Variants in PREX2 observed in about 807,000 individuals in gnomAD.
PREX2 encodes the protein phosphatidylinositol 3,4,5-trisphosphate-dependent Rac exchanger 2 protein.
In PREX2, 107 loss-of-function variants were observed where a neutral mutation model predicts 203.2. That is an observed-to-expected ratio of 0.53 (90% CI 0.45 to 0.62). PREX2 has a LOEUF of 0.62. PREX2 is among the 20% of genes least tolerant of loss of function. The pLI, the probability that PREX2 is intolerant of heterozygous loss-of-function variation, is 0.00. For synonymous variants in PREX2, 672 were observed against 663.6 expected (o/e 1.01, Z -0.19); for missense variants, 1,777 against 1,955.9 (o/e 0.91, Z 1.72).
intron 32 of PREX2, among the ~76,000 whole-genome samples, chr8:68,138,061 A>G (rs1811148113): frequency 6.6e-6 from 1 of 152,210 alleles, no homozygotes; most frequent in Non-Finnish European, 1.5e-5. Flanking sequence ...ATGTTATAAG[A>G]TTTTAGAAGT....
rs544566167 is a variant in PREX2 at position 68,107,972 on chromosome 8, A to G, written c.2716-137A>G. 8.2e-6 allele frequency: 5 copies of G among 613,294 alleles called. 1 individual carries two copies. The highest frequency in any genetic ancestry group is 6.3e-5 in the Admixed American group (2 of 31,810). 38.0% of individuals were successfully genotyped at this position (613,294 alleles called of 1,614,324 possible). A position where few individuals can be genotyped will look rare whatever the true frequency, so the allele number is the denominator to read the frequency against. On this transcript the variant is annotated intron_variant, in intron 23 of 39. Transcript: ENST00000288368. ...AAATCACAATGGAATTTCTAACAAC[A>G]TATAATTTATTTCACTCATTCCAGT...
Position 68,232,585 on chromosome 8 carries a change from T to C in PREX2, c.*1207T>C, listed in dbSNP as rs1813188160. 1 of 152,182 alleles carries C rather than the reference T, an allele frequency of 6.6e-6. No homozygotes were observed. The highest frequency in any genetic ancestry group is 2.4e-5 in the African/African-American group (1 of 41,450). 9.4% of individuals were successfully genotyped at this position (152,182 alleles called of 1,614,324 possible). ...TACACTAATTTAGTATGTGAAATGCTTTTCATATCTAAATTATGTGCAAAC... is the reference window on the plus strand; with the variant it reads ...TACACTAATTTAGTATGTGAAATGCCTTTCATATCTAAATTATGTGCAAAC... On this transcript the variant is annotated 3_prime_UTR_variant, in exon 40 of 40. Transcript: ENST00000288368.
rs555456061 is a variant in PREX2 at position 67,952,299 on chromosome 8, A to G, written c.-96A>G. ...CTCCTCGGAGTTGGCGGAGGCGGCA[A>G]CTTTCCATTCTCGCCGCCGGGGGCC... On this transcript the variant is annotated 5_prime_UTR_variant, in exon 1 of 40. Transcript: ENST00000288368. 357 of 1,126,848 alleles carry G rather than the reference A, an allele frequency of 3.2e-4. 2 individuals carry two copies. The African/African-American group carries it at 4.7e-3, about 15-fold the overall frequency. 69.8% of individuals were successfully genotyped at this position (1,126,848 alleles called of 1,614,324 possible). A position where few individuals can be genotyped will look rare whatever the true frequency, so the allele number is the denominator to read the frequency against.
chr8:68,190,897 C>T (rs1216343577), intron 35 of PREX2, among the ~76,000 whole-genome samples: 2 of 151,376 alleles, frequency 1.3e-5, no homozygotes, highest in East Asian at 3.9e-4. Context: ...AGTATCGAGC[C>T]ACAAGCAAAG....
Position 68,069,860 on chromosome 8 carries a change from A to G in PREX2, c.1469A>G (p.His490Arg). 1 of 1,558,816 alleles carries G rather than the reference A, an allele frequency of 6.4e-7. No individual in the cohort carries two copies. Among genetic ancestry groups the G allele is most frequent in the Non-Finnish European group, 8.8e-7 (1 of 1,138,852 alleles). Reference sequence around the variant, plus strand: ...GGTGTAAGATTATATTGTCGTCTTCATAGCCTTTTTACTCCAGTGATAAGG... The same window carrying G: ...GGTGTAAGATTATATTGTCGTCTTCGTAGCCTTTTTACTCCAGTGATAAGG... The part of the protein sequence containing the change: ...SKGVRLYCRL[H>R]SLFTPVIRDK... Residue 490 changes from histidine to arginine, a missense_variant, in exon 13 of 40, where the codon CAT becomes CGT. His to Arg is a conservative substitution (Grantham distance 29, BLOSUM62 0). Coordinates refer to ENST00000288368, the MANE Select transcript of PREX2 (RefSeq NM_024870.4).
At chr8:68,139,358 G>A (rs749566066) in intron 33 of PREX2, among the ~76,000 whole-genome samples, 1 of 152,114 alleles carries the variant, frequency 6.6e-6, no homozygotes, top group Admixed American at 6.6e-5. Context: ...GGACTCTGAG[G>A]CTGGGAGCAG....
intron 6 of PREX2, among the ~76,000 whole-genome samples, chr8:68,030,947 C>G (rs756248136): frequency 1.3e-5 from 2 of 152,062 alleles, no homozygotes; most frequent in Non-Finnish European, 2.9e-5. Flanking sequence ...GATCCTGTTC[C>G]TCTCTCAACT....
chr8:68,118,899 G>A (rs1810711952), intron 27 of PREX2: 6 of 615,354 alleles, frequency 9.8e-6, no homozygotes, highest in South Asian at 5.5e-5. Context: ...CATTATCTCT[G>A]TATGGTTCTA....
At chr8:68,123,118 C>G (rs1202720431) in intron 30 of PREX2, among the ~76,000 whole-genome samples, 1 of 152,040 alleles carries the variant, frequency 6.6e-6, no homozygotes, top group Non-Finnish European at 1.5e-5. Flanking sequence ...AAGTCTCCAA[C>G]TATTATTGTG....
At chr8:67,997,403 A>G (rs1243657064) in intron 1 of PREX2, among the ~76,000 whole-genome samples, 3 of 152,218 alleles carry the variant, frequency 2.0e-5, no homozygotes, top group African/African-American at 7.2e-5. Flanking sequence ...AATTAGGTAC[A>G]GTAGGAGACT....
At chr8:67,994,765 G>T (rs1054433711) in intron 1 of PREX2, among the ~76,000 whole-genome samples, 1 of 152,102 alleles carries the variant, frequency 6.6e-6, no homozygotes, top group African/African-American at 2.4e-5. Context: ...TTTTCAGAAT[G>T]ACTTCACCAT....
At chr8:68,230,051 T>TCA (rs1813135683) in intron 39 of PREX2, among the ~76,000 whole-genome samples, 1 of 152,178 alleles carries the variant, frequency 6.6e-6, no homozygotes, top group Non-Finnish European at 1.5e-5. Context: ...ATGTAGTGCA[T>TCA]CAACCACCTT....
At chr8:68,153,220 A>G (rs1341196077) in intron 34 of PREX2, among the ~76,000 whole-genome samples, 2 of 152,220 alleles carry the variant, frequency 1.3e-5, no homozygotes, top group African/African-American at 2.4e-5. Flanking sequence ...GCTGTGTCTT[A>G]TTTAACCAAA....
intron 35 of PREX2, among the ~76,000 whole-genome samples, chr8:68,169,957 A>C (rs1811842523): frequency 6.6e-6 from 1 of 152,204 alleles, no homozygotes; most frequent in African/African-American, 2.4e-5. Flanking sequence ...AGTGAAGAAA[A>C]TATAAAACAA....
At chr8:68,009,389 A>G (rs1242064740) in intron 1 of PREX2, among the ~76,000 whole-genome samples, 1 of 152,244 alleles carries the variant, frequency 6.6e-6, no homozygotes, top group African/African-American at 2.4e-5. Flanking sequence ...GTGATCTGAT[A>G]TCAACGTAAA....
At chr8:68,124,767 G>A (rs1035033518) in intron 30 of PREX2, among the ~76,000 whole-genome samples, 4 of 152,072 alleles carry the variant, frequency 2.6e-5, no homozygotes, top group African/African-American at 9.7e-5. Context: ...GTCACAATAA[G>A]CAGCTATAGG....
intron 30 of PREX2, among the ~76,000 whole-genome samples, chr8:68,122,781 C>T (rs747185615): frequency 4.6e-5 from 7 of 152,038 alleles, no homozygotes; most frequent in Non-Finnish European, 1.0e-4. Context: ...TATTCAAGGG[C>T]AGGTTATTCA....
At chr8:68,160,230 ACTT>A (rs1811628497) in intron 35 of PREX2, among the ~76,000 whole-genome samples, 1 of 152,126 alleles carries the variant, frequency 6.6e-6, no homozygotes, top group Non-Finnish European at 1.5e-5. Context: ...CCTTGCATGA[ACTT>A]CTTTGAAGAC....
rs1339029114 is a variant in PREX2, at chr8:68,087,713, G to A, written c.2028-11G>A. 6.2e-7 allele frequency: 1 copy of A among 1,600,898 alleles called. No individual in the cohort carries two copies. The highest frequency in any genetic ancestry group is 1.3e-5 in the African/African-American group (1 of 74,676). On this transcript the variant is annotated splice_polypyrimidine_tract_variant and intron_variant, in intron 18 of 39. Transcript: ENST00000288368. ...TACGCTTCATCTTACCTTATTTTCT[G>A]ATTGATTTAGGACAGTGAAAATTCC...
Sources: allele counts gnomAD v4.1 joint callset (sites outside exome capture counted in the v4.1 genomes callset), GRCh38; gene constraint gnomAD v4.1.1; transcripts MANE v1.5; gene names NCBI Gene and HGNC (gene_info 2026-07-23, HGNC 2026-07-21).